The following CCDC171 variants were observed in gnomAD, a reference collection of about 807,000 sequenced individuals.
CCDC171 encodes coiled-coil domain-containing protein 171.
In CCDC171, 177 loss-of-function variants were observed where a neutral mutation model predicts 168.2. That is an observed-to-expected ratio of 1.05 (90% CI 0.93 to 1.19). CCDC171 has a LOEUF of 1.19. Among genes scored for constraint, CCDC171 ranks in the 50% most tolerant of loss-of-function variants. CCDC171 has a pLI of 0.00. For missense variants in CCDC171, 1,991 were observed against 1,539.0 expected (o/e 1.29, Z -4.91); for synonymous variants, 687 against 540.8 (o/e 1.27, Z -3.75).
rs2055014368 is a variant in CCDC171 at position 15,743,190 on chromosome 9, G to T, written c.2050-1083G>T. Among the ~76,000 whole-genome samples the T allele has an allele frequency of 1.8e-5, 2 of 113,230 alleles. 1 individual carries two copies. The highest frequency in any genetic ancestry group is 3.4e-5 in the Non-Finnish European group (2 of 59,072). 74.3% of individuals were successfully genotyped at this position (113,230 alleles called of 152,430 possible). ...TTTTTTTTTTTTTTTTTTTGAGACAGCGTCTTGCCCTGTTACCCAGGCTGG... is the reference window on the plus strand; with the variant it reads ...TTTTTTTTTTTTTTTTTTTGAGACATCGTCTTGCCCTGTTACCCAGGCTGG... On this transcript the variant is annotated intron_variant, in intron 16 of 25. Transcript: ENST00000380701.
At chr9:15,691,717 G>T (rs993465963) in intron 10 of CCDC171, among the ~76,000 whole-genome samples, 20 of 151,512 alleles carry the variant, frequency 1.3e-4, no homozygotes, top group African/African-American at 2.9e-4. Flanking sequence ...TTGCTCTGTC[G>T]CCCAGGCCGG....
chr9:15,581,352 T>G (rs921729218), intron 4 of CCDC171, among the ~76,000 whole-genome samples: 1 of 152,206 alleles, frequency 6.6e-6, no homozygotes, highest in Admixed American at 6.5e-5. Flanking sequence ...ATGGCCATAC[T>G]GCCCAAAGTA....
At chr9:15,557,247 T>C (rs12336383) in intron 1 of CCDC171, among the ~76,000 whole-genome samples, 9,239 of 152,090 alleles carry the variant, frequency 0.061, 362 homozygotes, top group African/African-American at 0.11. Flanking sequence ...TCCATATGAA[T>C]TTTAAAGTAG....
rs184490326 is a variant in CCDC171, at chr9:15,940,835, C to T, written c.3753+20413C>T. 7.9e-5 allele frequency among the ~76,000 whole-genome samples: 12 copies of T among 151,914 alleles called. No homozygotes were observed. In the East Asian group the frequency reaches 2.3e-3, roughly 30 times the overall value. ...CTGAGAGTTCAAGAACAACCAAGGG[C>T]AACCTAGTGAGACCCTATCTCACTA... On this transcript the variant is annotated intron_variant, in intron 25 of 25. Transcript: ENST00000380701.
chr9:15,610,406 A>AGACCAGC (rs2043568148), intron 6 of CCDC171, among the ~76,000 whole-genome samples: 1 of 137,168 alleles, frequency 7.3e-6, no homozygotes, highest in Admixed American at 7.7e-5. Context: ...CAGGAGTTCA[A>AGACCAGC]GACCAGCCTG....
rs577442419 is a variant in CCDC171, at chr9:15,612,863, C to G, written c.676-10404C>G. Among the ~76,000 whole-genome samples the G allele has an allele frequency of 2.6e-5, 4 of 152,296 alleles. No homozygotes were observed. The East Asian group carries it at 7.7e-4, about 29-fold the overall frequency. Reference sequence around the variant, plus strand: ...CTAGTTTGTTTTTCCCACTGAACATCTGTTTGAGGACTGAACTTCTGTATT... The same window carrying G: ...CTAGTTTGTTTTTCCCACTGAACATGTGTTTGAGGACTGAACTTCTGTATT... On this transcript the variant is annotated intron_variant, in intron 6 of 25. Coordinates refer to ENST00000380701, the MANE Select transcript of CCDC171 (RefSeq NM_173550.4).
chr9:15,613,581 G>C (rs970015266), intron 6 of CCDC171, among the ~76,000 whole-genome samples: 4 of 147,652 alleles, frequency 2.7e-5, no homozygotes, highest in African/African-American at 1.0e-4. Context: ...GGAGTGCAGT[G>C]ACACGGTCTT....
At chr9:15,671,282 G>C (rs2049090188) in intron 9 of CCDC171, among the ~76,000 whole-genome samples, 1 of 152,096 alleles carries the variant, frequency 6.6e-6, no homozygotes, top group African/African-American at 2.4e-5. Flanking sequence ...TTTCTTCTAA[G>C]AGATGTTCCT....
chr9:15,919,831 T>A (rs1169990247), intron 24 of CCDC171, among the ~76,000 whole-genome samples: 2 of 151,632 alleles, frequency 1.3e-5, no homozygotes, highest in African/African-American at 2.4e-5. Flanking sequence ...GCTCCTTTTG[T>A]TTCAAAACAT....
chr9:15,697,371 C>G (rs1447157514), intron 11 of CCDC171, among the ~76,000 whole-genome samples: 5 of 152,152 alleles, frequency 3.3e-5, no homozygotes, highest in Non-Finnish European at 5.9e-5. Context: ...CTTTTGGGAT[C>G]TGTTAACCTG....
At chr9:15,852,677 C>G (rs1272869765) in intron 23 of CCDC171, among the ~76,000 whole-genome samples, 2 of 151,594 alleles carry the variant, frequency 1.3e-5, no homozygotes, top group African/African-American at 4.8e-5. Flanking sequence ...GAAGCTTTCC[C>G]CTCTGTTTTC....
At chr9:15,893,575 A>C (rs1166618943) in intron 24 of CCDC171, among the ~76,000 whole-genome samples, 1 of 152,172 alleles carries the variant, frequency 6.6e-6, no homozygotes, top group Non-Finnish European at 1.5e-5. Flanking sequence ...AACTTAAACC[A>C]ATTTACAAGA....
At chr9:15,666,587 A>G (rs1055966979) in intron 9 of CCDC171, among the ~76,000 whole-genome samples, 12 of 152,214 alleles carry the variant, frequency 7.9e-5, no homozygotes, top group Non-Finnish European at 1.6e-4. Flanking sequence ...AGTTTGTATT[A>G]TATGAGTGAT....
intron 10 of CCDC171, among the ~76,000 whole-genome samples, chr9:15,689,019 GA>G (rs779355947): frequency 1.3e-5 from 2 of 152,066 alleles, no homozygotes; most frequent in Admixed American, 6.5e-5. Flanking sequence ...AGAGTTGTAG[GA>G]TACAATACAA....
chr9:15,831,113 G>C (rs1045810701), intron 21 of CCDC171, among the ~76,000 whole-genome samples: 3 of 151,664 alleles, frequency 2.0e-5, no homozygotes, highest in African/African-American at 7.3e-5. Context: ...GGGACTACAG[G>C]TGCCCACCAC....
intron 11 of CCDC171, among the ~76,000 whole-genome samples, chr9:15,704,299 G>A (rs1301143657): frequency 6.6e-6 from 1 of 152,176 alleles, no homozygotes; most frequent in Non-Finnish European, 1.5e-5. Flanking sequence ...GAAGGAAGAG[G>A]ATTACTTGAG....
At chr9:16,056,016 A>G (rs1833833494) in intron 1 of CCDC171, among the ~76,000 whole-genome samples, 1 of 152,254 alleles carries the variant, frequency 6.6e-6, no homozygotes, top group African/African-American at 2.4e-5. Flanking sequence ...ACAACATGGA[A>G]GAATGCTTTT....
At chr9:15,733,230 A>G (rs1225514005) in intron 16 of CCDC171, among the ~76,000 whole-genome samples, 1 of 152,102 alleles carries the variant, frequency 6.6e-6, no homozygotes. Context: ...TTTCAGATAC[A>G]TGATTTGTAA....
At chr9:15,857,395 G>C (rs2061385622) in intron 23 of CCDC171, among the ~76,000 whole-genome samples, 1 of 151,790 alleles carries the variant, frequency 6.6e-6, no homozygotes, top group Non-Finnish European at 1.5e-5. Flanking sequence ...ATTGTAAATA[G>C]ATTTTTTTTA....
Sources: gnomAD v4.1 joint callset for allele counts (sites outside exome capture counted in the v4.1 genomes callset) on GRCh38, gnomAD v4.1.1 for gene constraint, MANE v1.5 for transcripts, NCBI Gene and HGNC (gene_info 2026-07-23, HGNC 2026-07-21) for gene names.